Variants in CDH12 observed in about 807,000 individuals in gnomAD.
CDH12 encodes cadherin 12.
In CDH12, 41 loss-of-function variants were observed where a neutral mutation model predicts 74.1. The observed-to-expected ratio is 0.55, with a 90% confidence interval of 0.43 to 0.72. CDH12 has a LOEUF of 0.72. Ranked by LOEUF, CDH12 falls within the 30% of genes least tolerant of loss-of-function variation. The pLI, the probability that CDH12 is intolerant of heterozygous loss-of-function variation, is 0.00. For synonymous variants in CDH12, 399 were observed against 355.0 expected (o/e 1.12, Z -1.39); for missense variants, 945 against 977.2 (o/e 0.97, Z 0.44).
At chr5:21,920,073 C>T (rs141084157) in intron 6 of CDH12, among the ~76,000 whole-genome samples, 1 of 151,944 alleles carries the variant, frequency 6.6e-6, no homozygotes, top group Admixed American at 6.6e-5. Flanking sequence ...TATTTTAAAC[C>T]TATAATTATG....
intron 1 of CDH12, among the ~76,000 whole-genome samples, chr5:22,607,745 T>G (rs1737191160): frequency 6.6e-6 from 1 of 152,180 alleles, no homozygotes; most frequent in Non-Finnish European, 1.5e-5. Flanking sequence ...CCTCCAGACT[T>G]GGTGCACTGC....
intron 5 of CDH12, among the ~76,000 whole-genome samples, chr5:22,073,628 A>G (rs1444012680): frequency 1.3e-5 from 2 of 152,142 alleles, no homozygotes; most frequent in African/African-American, 4.8e-5. Context: ...TATTAAATTC[A>G]CAGTGTGTAT....
At chr5:22,722,375 G>A (rs894825390) in intron 1 of CDH12, among the ~76,000 whole-genome samples, 2 of 152,310 alleles carry the variant, frequency 1.3e-5, no homozygotes, top group East Asian at 1.9e-4. Flanking sequence ...ACAAAGCCAC[G>A]TTGTGGCACT....
intron 2 of CDH12, among the ~76,000 whole-genome samples, chr5:22,456,533 AT>A (rs1745282346): frequency 6.6e-6 from 1 of 152,168 alleles, no homozygotes; most frequent in South Asian, 2.1e-4. Flanking sequence ...TGTGATCTAT[AT>A]CTTAAACAGC....
At chr5:21,759,780 C>A (rs572044336) in intron 13 of CDH12, among the ~76,000 whole-genome samples, 1 of 152,020 alleles carries the variant, frequency 6.6e-6, no homozygotes, top group South Asian at 2.1e-4. Flanking sequence ...TATTTCATCA[C>A]CCAGGTCTTA....
chr5:22,399,299 T>G (rs1478433128), intron 3 of CDH12, among the ~76,000 whole-genome samples: 1 of 152,208 alleles, frequency 6.6e-6, no homozygotes, highest in East Asian at 1.9e-4. Flanking sequence ...GATGTATATG[T>G]GGCAGCAAGG....
chr5:22,148,772 G>A (rs1490605292), intron 4 of CDH12, among the ~76,000 whole-genome samples: 3 of 152,054 alleles, frequency 2.0e-5, no homozygotes, highest in Non-Finnish European at 4.4e-5. Flanking sequence ...CTTCTTTCTT[G>A]TATAACTCCC....
At chr5:22,114,311 A>T (rs1744970685) in intron 4 of CDH12, among the ~76,000 whole-genome samples, 1 of 152,184 alleles carries the variant, frequency 6.6e-6, no homozygotes, top group Non-Finnish European at 1.5e-5. Flanking sequence ...TACATGATAT[A>T]AAAATATATC....
At chr5:22,600,308 A>T (rs1048066488) in intron 1 of CDH12, among the ~76,000 whole-genome samples, 1 of 152,140 alleles carries the variant, frequency 6.6e-6, no homozygotes. Context: ...ACTATTGTCC[A>T]GTTCCTTCCA....
intron 3 of CDH12, among the ~76,000 whole-genome samples, chr5:22,248,884 A>T (rs75240559): frequency 0.038 from 5,849 of 152,134 alleles, 391 homozygotes; most frequent in African/African-American, 0.13. Context: ...ATAAATATAA[A>T]AATATTCAGA....
At chr5:22,703,275 A>G (rs1742813730) in intron 1 of CDH12, among the ~76,000 whole-genome samples, 1 of 152,104 alleles carries the variant, frequency 6.6e-6, no homozygotes, top group Non-Finnish European at 1.5e-5. Flanking sequence ...ACTACAGACC[A>G]CATCATGCTT....
intron 14 of CDH12, among the ~76,000 whole-genome samples, chr5:21,753,162 T>C (rs1744194881): frequency 6.6e-6 from 1 of 152,192 alleles, no homozygotes; most frequent in Admixed American, 6.5e-5. Flanking sequence ...AGGTGAAAGC[T>C]AATGTGTGTT....
intron 2 of CDH12, among the ~76,000 whole-genome samples, chr5:22,410,903 GA>G (rs1238371174): frequency 1.3e-5 from 2 of 152,022 alleles, no homozygotes; most frequent in Non-Finnish European, 2.9e-5. Flanking sequence ...GAGTGGCAAA[GA>G]AATCTGTGTT....
chr5:21,849,760 A>G (rs1263457980), intron 7 of CDH12, among the ~76,000 whole-genome samples: 1 of 151,776 alleles, frequency 6.6e-6, no homozygotes, highest in African/African-American at 2.4e-5. Flanking sequence ...TAATATCAAA[A>G]GAATGCTCTA....
At chr5:22,141,103 A>G (rs1393143667) in intron 4 of CDH12, 1 of 152,146 alleles carries the variant, frequency 6.6e-6, no homozygotes, top group Non-Finnish European at 1.5e-5. Context: ...TTATTAAACT[A>G]TGGTATCCAT....
At chr5:22,412,096 T>G (rs1304106978) in intron 2 of CDH12, among the ~76,000 whole-genome samples, 1 of 151,976 alleles carries the variant, frequency 6.6e-6, no homozygotes, top group African/African-American at 2.4e-5. Flanking sequence ...GAGAGACATC[T>G]GTCAAATTTT....
intron 8 of CDH12, among the ~76,000 whole-genome samples, chr5:21,830,722 C>T (rs957789175): frequency 5.3e-5 from 8 of 151,944 alleles, no homozygotes; most frequent in African/African-American, 1.5e-4. Context: ...CTGTGCTTTA[C>T]GAATCACTTT....
intron 6 of CDH12, among the ~76,000 whole-genome samples, chr5:21,927,985 T>G (rs1754664105): frequency 1.3e-5 from 2 of 151,770 alleles, no homozygotes; most frequent in African/African-American, 2.4e-5. Flanking sequence ...GGCAGGAGAA[T>G]GGCGTGAACC....
chr5:22,363,179 T>C (rs1740893317), intron 3 of CDH12, among the ~76,000 whole-genome samples: 1 of 151,966 alleles, frequency 6.6e-6, no homozygotes, highest in African/African-American at 2.4e-5. Flanking sequence ...AAAGAAAAAT[T>C]GGTAACTAAA....
Sources: allele counts gnomAD v4.1 joint callset (sites outside exome capture counted in the v4.1 genomes callset), GRCh38; gene constraint gnomAD v4.1.1; transcripts MANE v1.5; gene names NCBI Gene and HGNC (gene_info 2026-07-23, HGNC 2026-07-21).